The following GALNT13 variants were observed in gnomAD, a reference collection of about 807,000 sequenced individuals.
The protein encoded by GALNT13 is UDP-GalNAc:polypeptide N-acetylgalactosaminyltransferase 13.
GALNT13 carries 28 observed loss-of-function variants against 64.2 expected under a neutral mutation model. The observed-to-expected ratio is 0.44, with a 90% confidence interval of 0.32 to 0.60. GALNT13 has a LOEUF of 0.60. GALNT13 is among the 20% of genes least tolerant of loss of function. The probability of loss-of-function intolerance (pLI) is 0.05; values close to 1 mark genes in which losing one functional copy is unlikely to be tolerated. For missense variants in GALNT13, 577 were observed against 669.8 expected, an observed-to-expected ratio of 0.86 and a Z score of 1.53; for synonymous variants, 214 against 224.6, an observed-to-expected ratio of 0.95 and a Z score of 0.42.
the GALNT13 span, among the ~76,000 whole-genome samples, chr2:153,332,090 T>C: frequency 4.7e-4 from 71 of 152,306 alleles, no homozygotes; most frequent in African/African-American, 1.6e-3. Context: ...TTCTTGTTAA[T>C]CTTGTTAGAG....
chr2:153,838,210 T>G, the GALNT13 span, among the ~76,000 whole-genome samples: 1 of 152,018 alleles, frequency 6.6e-6, no homozygotes, highest in African/African-American at 2.4e-5. Flanking sequence ...GCCTTTTCAT[T>G]TTGTTGATTT....
At chr2:153,643,327 C>G in the GALNT13 span, among the ~76,000 whole-genome samples, 1 of 151,344 alleles carries the variant, frequency 6.6e-6, no homozygotes, top group African/African-American at 2.4e-5. Flanking sequence ...GCTATAACTG[C>G]ATATACAGCA....
At chr2:153,843,921 C>A in the GALNT13 span, among the ~76,000 whole-genome samples, 2 of 152,182 alleles carry the variant, frequency 1.3e-5, no homozygotes, top group East Asian at 3.9e-4. Flanking sequence ...GTGTGGGCTC[C>A]CAAGGCCTTG....
chr2:153,097,682 G>A, the GALNT13 span, among the ~76,000 whole-genome samples: 1 of 152,206 alleles, frequency 6.6e-6, no homozygotes, highest in East Asian at 1.9e-4. Context: ...TTTATCAGAT[G>A]TTGAGTTTAT....
chr2:153,869,429 T>C (rs1685813579), upstream of GALNT13, among the ~76,000 whole-genome samples: 1 of 152,208 alleles, frequency 6.6e-6, no homozygotes, highest in African/African-American at 2.4e-5. Flanking sequence ...TCCTCAGCTT[T>C]TCTTTGACTT....
chr2:154,154,759 G>A (rs113452457), intron 4 of GALNT13, among the ~76,000 whole-genome samples: 1,924 of 152,230 alleles, frequency 0.013, 38 homozygotes, highest in African/African-American at 0.044. Flanking sequence ...AAGTATTTGT[G>A]TATGTGCATT....
At chr2:153,716,370 G>T in the GALNT13 span, among the ~76,000 whole-genome samples, 229 of 152,180 alleles carry the variant, frequency 1.5e-3, no homozygotes, top group African/African-American at 5.4e-3. Context: ...TGTTTTGTTT[G>T]CTCATCAGCT....
intron 9 of GALNT13, among the ~76,000 whole-genome samples, chr2:154,347,018 G>A (rs530510620): frequency 1.1e-5 from 1 of 87,574 alleles, no homozygotes; most frequent in African/African-American, 4.4e-5. Flanking sequence ...ATTTTAAGTA[G>A]CAATTCCAGT....
the GALNT13 span, among the ~76,000 whole-genome samples, chr2:153,360,170 C>T: frequency 6.6e-6 from 1 of 152,150 alleles, no homozygotes; most frequent in Admixed American, 6.5e-5. Context: ...TATGACAGCC[C>T]ACCTGAGAGC....
At chr2:153,899,859 C>T (rs550107082) in intron 1 of GALNT13, among the ~76,000 whole-genome samples, 1 of 150,220 alleles carries the variant, frequency 6.7e-6, no homozygotes, top group South Asian at 2.1e-4. Flanking sequence ...TTATATTGTT[C>T]ATAGTCTGTC....
At chr2:153,832,306 A>G in the GALNT13 span, among the ~76,000 whole-genome samples, 5 of 152,194 alleles carry the variant, frequency 3.3e-5, no homozygotes, top group African/African-American at 2.4e-5. Context: ...AGTGAATTAT[A>G]TATGTTATTG....
chr2:154,127,710 G>A (rs72871846), intron 3 of GALNT13, among the ~76,000 whole-genome samples: 103,251 of 142,822 alleles, frequency 0.72, 36,680 homozygotes, highest in East Asian at 0.95. Flanking sequence ...ACACACACAC[G>A]TGTGTGTGTG....
chr2:153,872,757 C>T (rs1166771847), intron 1 of GALNT13, among the ~76,000 whole-genome samples: 1 of 152,014 alleles, frequency 6.6e-6, no homozygotes, highest in Non-Finnish European at 1.5e-5. Context: ...GGCGTTTCTA[C>T]TCGACCCGAC....
chr2:154,034,838 C>T (rs1310855647), intron 3 of GALNT13, among the ~76,000 whole-genome samples: 1 of 152,062 alleles, frequency 6.6e-6, no homozygotes, highest in East Asian at 1.9e-4. Flanking sequence ...TCACAGATAA[C>T]TGCAAGTTAA....
chr2:154,348,288 A>G (rs1696182943), intron 9 of GALNT13, among the ~76,000 whole-genome samples: 1 of 152,114 alleles, frequency 6.6e-6, no homozygotes, highest in Admixed American at 6.6e-5. Flanking sequence ...TGAGAGTGGG[A>G]AGAACCTACC....
At chr2:153,276,564 G>A in the GALNT13 span, among the ~76,000 whole-genome samples, 1 of 152,012 alleles carries the variant, frequency 6.6e-6, no homozygotes, top group Non-Finnish European at 1.5e-5. Flanking sequence ...AAATGCCCAT[G>A]TATAAACACA....
the GALNT13 span, among the ~76,000 whole-genome samples, chr2:153,235,761 T>C: frequency 8.5e-5 from 13 of 152,102 alleles, no homozygotes; most frequent in African/African-American, 2.9e-4. Context: ...AACAAGTTTA[T>C]TCCCCTTTAA....
rs550531519 is a variant in GALNT13 at position 154,339,647 on chromosome 2, A to G, written c.1156+38058A>G. ...AGAGTTTTAATATTGAATTGTGCTC[A>G]GTTCACACACGGAAATGGGTGTCTA... On this transcript the variant is annotated intron_variant, in intron 9 of 12. Coordinates refer to ENST00000392825, the MANE Select transcript of GALNT13 (RefSeq NM_052917.4). Among the ~76,000 whole-genome samples the G allele has an allele frequency of 5.9e-5, 9 of 152,304 alleles. No homozygotes were observed. In the South Asian group the frequency reaches 1.9e-3, roughly 32 times the overall value.
chr2:153,324,379 T>A, the GALNT13 span, among the ~76,000 whole-genome samples: 2 of 152,224 alleles, frequency 1.3e-5, no homozygotes, highest in African/African-American at 2.4e-5. Flanking sequence ...GCTTATCAGC[T>A]AAAGGAGATT....
Sources: allele counts gnomAD v4.1 joint callset (sites outside exome capture counted in the v4.1 genomes callset), GRCh38; gene constraint gnomAD v4.1.1; transcripts MANE v1.5; gene names NCBI Gene and HGNC (gene_info 2026-07-23, HGNC 2026-07-21).